The following ACAN variants were observed in gnomAD, a reference collection of about 807,000 sequenced individuals.
ACAN encodes aggrecan.
ACAN carries 47 observed loss-of-function variants against 169.1 expected under a neutral mutation model. The ratio of observed to expected loss-of-function variants is 0.28; its 90% CI spans 0.22 to 0.35. The LOEUF (loss-of-function observed/expected upper bound fraction) is 0.35. ACAN is among the 10% of genes least tolerant of loss of function. ACAN has a pLI of 1.00. For missense variants in ACAN, 2,716 were observed against 2,759.9 expected (o/e 0.98, Z 0.36); for synonymous variants, 1,115 against 1,112.2 (o/e 1.00, Z -0.05).
chr15:88,858,618 C>T lies in ACAN; in HGVS notation c.6033C>T (p.Thr2011=). Reference sequence around the variant, plus strand: ...ATTTTAGTGGGGATTTTGCCAGCACCACCAATGTAAGTGGAGAATCCTCTG... The same window carrying T: ...ATTTTAGTGGGGATTTTGCCAGCACTACCAATGTAAGTGGAGAATCCTCTG... ...TPYFSGDFAS[T]TNVSGESSVA... The change falls in exon 12 of 19, where the codon ACC becomes ACT. Residue 2011 remains threonine, a synonymous_variant. Coordinates refer to ENST00000560601, the MANE Select transcript of ACAN (RefSeq NM_001369268.1). The surrounding 1 kb of genome is among the most constrained non-coding windows in gnomAD (Gnocchi z 4.0). 1.2e-6 allele frequency: 2 copies of T among 1,613,820 alleles called. No homozygotes were observed. The highest frequency in any genetic ancestry group is 4.5e-5 in the East Asian group (2 of 44,892).
chr15:88,865,935 C>A (rs1422136466), intron 13 of ACAN, among the ~76,000 whole-genome samples: 2 of 152,218 alleles, frequency 1.3e-5, no homozygotes, highest in African/African-American at 4.8e-5. Flanking sequence ...ACTACCCTGA[C>A]TGCAAACACA....
chr15:88,812,692 A>C, intron 1 of ACAN, among the ~76,000 whole-genome samples: 1 of 151,750 alleles, frequency 6.6e-6, no homozygotes, highest in Non-Finnish European at 1.5e-5. Context: ...TTTTGTGCCC[A>C]TCTGATTTAA....
In ACAN at chr15:88,869,835, T is replaced by C. The variant is rs181736783; in HGVS notation, c.7060+1506T>C. ...CCTCCTGCCTTGGCTCTGTCCCTGT[T>C]ACCTCTTTCAGTCTGGAATTGTTTC... On this transcript the variant is annotated intron_variant, in intron 14 of 18. Transcript: ENST00000560601. This position sits in a 1 kb window ranked among gnomAD's most constrained non-coding sequence, Gnocchi z 4.2. Among the ~76,000 whole-genome samples the C allele has an allele frequency of 6.6e-5, 10 of 152,272 alleles. No individual in the cohort carries two copies. In the East Asian group the frequency reaches 1.9e-3, roughly 29 times the overall value.
intron 6 of ACAN, among the ~76,000 whole-genome samples, chr15:88,844,294 C>CTTTT (rs71149235): frequency 2.9e-5 from 3 of 104,672 alleles, no homozygotes; most frequent in Non-Finnish European, 3.9e-5. Flanking sequence ...CCATGCTTTG[C>CTTTT]TTTTTTTTTT....
intron 1 of ACAN, among the ~76,000 whole-genome samples, chr15:88,815,752 C>A (rs556016725): frequency 1.7e-4 from 25 of 149,962 alleles, no homozygotes; most frequent in African/African-American, 6.1e-4. Context: ...GGTTGACTAC[C>A]AAGTAAGATT....
chr15:88,872,157 G>A lies in ACAN; in HGVS notation c.7302+72G>A. On this transcript the variant is annotated intron_variant, in intron 16 of 18. Coordinates refer to ENST00000560601, the MANE Select transcript of ACAN (RefSeq NM_001369268.1). The surrounding 1 kb of genome is among the most constrained non-coding windows in gnomAD (Gnocchi z 5.4). ...GGGATAGAGACCCCTGGAGAGAGAT[G>A]CATTCAAACCCCATGCAGACAGCCG... is the stretch of plus-strand genomic sequence containing the variant. 7.5e-7 allele frequency: 1 copy of A among 1,336,416 alleles called. No homozygotes were observed. Among genetic ancestry groups the A allele is most frequent in the Non-Finnish European group, 1.1e-6 (1 of 930,490 alleles). The allele number at this position is 1,336,416 out of a possible 1,614,324, so 82.8% of individuals were successfully genotyped here.
At chr15:88,860,274 G>A in intron 12 of ACAN, 52 bp from the exon 13 acceptor site, 1 of 1,368,140 alleles carries the variant, frequency 7.3e-7, no homozygotes, top group Non-Finnish European at 1.0e-6. Flanking sequence ...GGAGGCCATG[G>A]TAGCCAGGTG....
At chr15:88,828,327 G>T (rs1896276706) in intron 1 of ACAN, among the ~76,000 whole-genome samples, 1 of 152,166 alleles carries the variant, frequency 6.6e-6, no homozygotes, top group African/African-American at 2.4e-5. Flanking sequence ...CACATCGGCA[G>T]TCAGGTAACA....
intron 9 of ACAN, among the ~76,000 whole-genome samples, chr15:88,848,479 G>T (rs1896850703): frequency 6.6e-6 from 1 of 152,174 alleles, no homozygotes; most frequent in Non-Finnish European, 1.5e-5. Context: ...CACTTTGAGA[G>T]GCAGAGGTGC....
intron 1 of ACAN, among the ~76,000 whole-genome samples, chr15:88,804,271 C>T (rs773258143): frequency 6.6e-6 from 1 of 152,120 alleles, no homozygotes; most frequent in Non-Finnish European, 1.5e-5. Context: ...AAAAGGCCTT[C>T]GCGGGGTCTG....
At position 88,861,785 on chromosome 15, in the gene ACAN, G is replaced by C. The variant is rs80264123; in HGVS notation, c.6946+1346G>C. Among the ~76,000 whole-genome samples, 79 of 152,266 alleles carry C rather than the reference G, an allele frequency of 5.2e-4. 1 individual carries two copies. Among genetic ancestry groups the C allele is most frequent in the African/African-American group, 1.9e-3 (78 of 41,548 alleles). On this transcript the variant is annotated intron_variant, in intron 13 of 18. Coordinates refer to ENST00000560601, the MANE Select transcript of ACAN (RefSeq NM_001369268.1). The surrounding 1 kb of genome is among the most constrained non-coding windows in gnomAD (Gnocchi z 6.3). ...AACCTGATACTTGAGGCAAAAATCT[G>C]ACACTAGCATCAGAAGTCAAAGCAA...
chr15:88,853,040 C>T (rs2141598128), intron 11 of ACAN, among the ~76,000 whole-genome samples: 1 of 152,292 alleles, frequency 6.6e-6, no homozygotes, highest in South Asian at 2.1e-4. Context: ...TAGGATGCCT[C>T]TGTAGAGCAG....
chr15:88,828,659 G>A (rs554705649), intron 1 of ACAN, among the ~76,000 whole-genome samples: 1 of 152,264 alleles, frequency 6.6e-6, no homozygotes, highest in East Asian at 1.9e-4. Flanking sequence ...CTGGCCATGA[G>A]GGAGGCTGAG....
At chr15:88,816,964 C>T (rs945209828) in intron 1 of ACAN, among the ~76,000 whole-genome samples, 9 of 152,150 alleles carry the variant, frequency 5.9e-5, no homozygotes, top group East Asian at 1.9e-4. Context: ...AGTTTTAACA[C>T]ACCAGGAGCC....
At chr15:88,824,801 C>T (rs1896169349) in intron 1 of ACAN, among the ~76,000 whole-genome samples, 1 of 151,994 alleles carries the variant, frequency 6.6e-6, no homozygotes, top group South Asian at 2.1e-4. Context: ...ATTGCTTGAG[C>T]CCGGGAGGTG....
intron 13 of ACAN, 145 bp downstream of exon 13, chr15:88,860,584 G>A (rs897670492): frequency 1.1e-5 from 7 of 633,850 alleles, no homozygotes; most frequent in East Asian, 8.5e-5. Context: ...CATGTCAGGG[G>A]CAGAAGCCAC....
intron 1 of ACAN, among the ~76,000 whole-genome samples, chr15:88,833,662 G>A (rs1262572985): frequency 2.6e-5 from 4 of 151,110 alleles, no homozygotes; most frequent in Non-Finnish European, 5.9e-5. Context: ...CTATCCCAAA[G>A]TTTGTCTTTA....
Position 88,857,361 on chromosome 15 carries a change from A to T in ACAN, c.4776A>T (p.Gly1592=), listed in dbSNP as rs1427878172. Residue 1592 remains glycine, a synonymous_variant, in exon 12 of 19, where the codon GGA becomes GGT. Coordinates refer to ENST00000560601, the MANE Select transcript of ACAN (RefSeq NM_001369268.1). The part of the protein sequence containing the change: ...GAEDLSGLPS[G]KEDLVGSASG... ...AGGACCTCAGTGGGTTGCCTTCTGGAAAAGAAGACTTGGTGGGGTCAGCTT... is the reference window on the plus strand; with the variant it reads ...AGGACCTCAGTGGGTTGCCTTCTGGTAAAGAAGACTTGGTGGGGTCAGCTT... The T allele has an allele frequency of 6.2e-7, 1 of 1,613,844 alleles. No individual in the cohort carries two copies. Among genetic ancestry groups the T allele is most frequent in the Non-Finnish European group, 8.5e-7 (1 of 1,179,906 alleles).
intron 1 of ACAN, among the ~76,000 whole-genome samples, chr15:88,819,830 G>A (rs1480675298): frequency 6.6e-6 from 1 of 152,008 alleles, no homozygotes; most frequent in East Asian, 1.9e-4. Flanking sequence ...GCCCTTTGAG[G>A]ACTAGAACAA....
Sources: allele counts gnomAD v4.1 joint callset (sites outside exome capture counted in the v4.1 genomes callset), GRCh38; gene constraint gnomAD v4.1.1; non-coding constraint Gnocchi (gnomAD v3.1); transcripts MANE v1.5; gene names NCBI Gene and HGNC (gene_info 2026-07-23, HGNC 2026-07-21).